The following ZNF423 variants were observed in gnomAD, a reference collection of about 807,000 sequenced individuals.
ZNF423 encodes Ebf-associated zinc finger protein.
ZNF423 carries 12 observed loss-of-function variants against 95.8 expected under a neutral mutation model. The observed-to-expected ratio is 0.13, with a 90% CI of 0.08 to 0.20. The LOEUF (loss-of-function observed/expected upper bound fraction) is 0.20. Among genes scored for constraint, ZNF423 ranks in the 10% least tolerant of loss-of-function variants. ZNF423 has a pLI of 1.00. For missense variants in ZNF423, 1,316 were observed against 1,737.1 expected, an observed-to-expected ratio of 0.76 and a Z score of 4.31; for synonymous variants, 749 against 711.9, an observed-to-expected ratio of 1.05 and a Z score of -0.83.
In ZNF423 at chr16:49,637,977, C is replaced by T. The variant is rs574135774; in HGVS notation, c.1199G>A (p.Arg400Gln). 6.8e-6 allele frequency: 11 copies of T among 1,614,112 alleles called. No individual in the cohort carries two copies. Among genetic ancestry groups the T allele is most frequent in the East Asian group, 4.5e-5 (2 of 44,880 alleles). Residue 400 changes from arginine (R) to glutamine (Q), a missense_variant, in exon 4 of 8, where the codon CGG becomes CAG. By Grantham distance (43) the Arg-to-Gln change is conservative (BLOSUM62 1). Coordinates refer to ENST00000563137, the MANE Select transcript of ZNF423 (RefSeq NM_001379286.1). This position sits in a 1 kb window ranked among gnomAD's most constrained non-coding sequence, Gnocchi z 5.6. ...GTCATCCCGCATCTTCTTCTGCCCC[C>T]GCAGCGGCTTCAAGGTGGAGTCCGG... is the stretch of plus-strand genomic sequence containing the variant. ...STPDSTLKPL[R>Q]GQKKMRDDGQ...
intron 1 of ZNF423, among the ~76,000 whole-genome samples, chr16:49,818,505 T>C (rs2034890661): frequency 6.6e-6 from 1 of 151,534 alleles, no homozygotes; most frequent in African/African-American, 2.4e-5. Context: ...AGCCCAGGAG[T>C]TCAAGTCTAT....
intron 2 of ZNF423, among the ~76,000 whole-genome samples, chr16:49,732,819 A>G (rs1246054052): frequency 6.6e-6 from 1 of 152,244 alleles, no homozygotes; most frequent in Non-Finnish European, 1.5e-5. Context: ...ACCTGGGAAC[A>G]CAAATCGGCT....
intron 5 of ZNF423, among the ~76,000 whole-genome samples, chr16:49,611,969 C>T (rs1415119270): frequency 6.6e-6 from 1 of 152,124 alleles, no homozygotes; most frequent in South Asian, 2.1e-4. Context: ...TAGTCCTATT[C>T]TATTAAGGAA....
intron 4 of ZNF423, among the ~76,000 whole-genome samples, chr16:49,628,111 C>G (rs1275589068): frequency 6.6e-6 from 1 of 150,992 alleles, no homozygotes; most frequent in Admixed American, 6.6e-5. Context: ...TCTACCCATC[C>G]ATCCATCTAC....
chr16:49,645,545 T>G (rs1441551239), intron 3 of ZNF423, among the ~76,000 whole-genome samples: 1 of 152,194 alleles, frequency 6.6e-6, no homozygotes, highest in African/African-American at 2.4e-5. Context: ...CAATGCTAGA[T>G]GCTTTTCAGG....
At chr16:49,648,380 G>A (rs1050401916) in intron 3 of ZNF423, among the ~76,000 whole-genome samples, 17 of 152,220 alleles carry the variant, frequency 1.1e-4, no homozygotes, top group Non-Finnish European at 2.1e-4. Flanking sequence ...CAGTGCTCAC[G>A]CCTGTAATCC....
At chr16:49,779,117 CTT>C (rs1381256416) in intron 2 of ZNF423, among the ~76,000 whole-genome samples, 3 of 152,114 alleles carry the variant, frequency 2.0e-5, no homozygotes, top group Non-Finnish European at 4.4e-5. Context: ...GATTCTGCAT[CTT>C]GGCAGACATT....
chr16:49,824,301 C>A (rs1247866634), intron 1 of ZNF423, among the ~76,000 whole-genome samples: 1 of 152,004 alleles, frequency 6.6e-6, no homozygotes, highest in Admixed American at 6.6e-5. Flanking sequence ...AGATTAGAGC[C>A]CCCCTGTCAC....
chr16:49,633,888 T>A (rs187427927), intron 4 of ZNF423, among the ~76,000 whole-genome samples: 1 of 152,096 alleles, frequency 6.6e-6, no homozygotes, highest in East Asian at 1.9e-4. Context: ...TGCAGCTCTG[T>A]TTCTTTTTCT....
chr16:49,794,936 A>G (rs1277550043), intron 1 of ZNF423, among the ~76,000 whole-genome samples: 3 of 152,284 alleles, frequency 2.0e-5, no homozygotes, highest in Middle Eastern at 3.4e-3. Flanking sequence ...GGGGTACAAT[A>G]GTGTGATCTC....
At chr16:49,857,978 T>C (rs1257464143), upstream of ZNF423, 1 of 151,942 alleles carries the variant, frequency 6.6e-6, no homozygotes, top group Non-Finnish European at 1.5e-5. This position sits in a 1 kb window ranked among gnomAD's most constrained non-coding sequence, Gnocchi z 6.2. Flanking sequence ...CCCAACTAGC[T>C]GCAGGCGGCC....
intron 3 of ZNF423, among the ~76,000 whole-genome samples, chr16:49,723,768 C>T (rs2032932278): frequency 6.6e-6 from 1 of 152,104 alleles, no homozygotes; most frequent in Admixed American, 6.5e-5. Flanking sequence ...ATCCAATTTC[C>T]TTTTTGGGGG....
intron 3 of ZNF423, among the ~76,000 whole-genome samples, chr16:49,645,512 G>A (rs1033812020): frequency 3.3e-5 from 5 of 152,222 alleles, no homozygotes; most frequent in African/African-American, 1.2e-4. Context: ...TGAGCAAACT[G>A]GAAAGAGGAG....
chr16:49,677,334 AGGGGAGGGG>A (rs2031144426), intron 3 of ZNF423, among the ~76,000 whole-genome samples: 2 of 37,504 alleles, frequency 5.3e-5, no homozygotes, highest in African/African-American at 1.2e-4. Flanking sequence ...AGGGGAGGGG[AGGGGAGGGG>A]AGGAGGGGAG....
intron 3 of ZNF423, among the ~76,000 whole-genome samples, chr16:49,699,955 C>G (rs1434883455): frequency 6.6e-6 from 1 of 152,078 alleles, no homozygotes; most frequent in African/African-American, 2.4e-5. Flanking sequence ...GGGCCCCAGG[C>G]CAGGATATCA....
chr16:49,815,909 T>TAAAG (rs2034844854), intron 1 of ZNF423, among the ~76,000 whole-genome samples: 1 of 42,234 alleles, frequency 2.4e-5, no homozygotes, highest in Non-Finnish European at 4.3e-5. Context: ...TATATATATA[T>TAAAG]ATATATTTTT....
In ZNF423 at chr16:49,665,192, T is replaced by C. The variant is rs565236435; in HGVS notation, c.302-26318A>G. On this transcript the variant is annotated intron_variant, in intron 3 of 7. Coordinates refer to ENST00000563137, the MANE Select transcript of ZNF423 (RefSeq NM_001379286.1). ...ACACCAGGGTTCTGCCATCAAGAGC[T>C]TGGTGGGTAGCGGCATTCAGTAAAT... 2.8e-3 allele frequency among the ~76,000 whole-genome samples: 430 copies of C among 152,336 alleles called. 5 individuals carry two copies. Among genetic ancestry groups the C allele is most frequent in the Non-Finnish European group, 2.9e-3 (199 of 68,030 alleles).
chr16:49,514,555 C>G (rs78147354), intron 7 of ZNF423, among the ~76,000 whole-genome samples: 2,849 of 152,310 alleles, frequency 0.019, 82 homozygotes, highest in African/African-American at 0.065. Flanking sequence ...AGCTCTCCCT[C>G]TGGCCGGGTA....
chr16:49,769,778 C>T (rs2033999340), intron 2 of ZNF423, among the ~76,000 whole-genome samples: 1 of 146,638 alleles, frequency 6.8e-6, no homozygotes, highest in Non-Finnish European at 1.5e-5. Flanking sequence ...ACACCCCCGT[C>T]TCCCTCCCTC....
Sources: gnomAD v4.1 joint callset for allele counts (sites outside exome capture counted in the v4.1 genomes callset) on GRCh38, gnomAD v4.1.1 for gene constraint, Gnocchi (gnomAD v3.1) non-coding constraint, MANE v1.5 for transcripts, NCBI Gene and HGNC (gene_info 2026-07-23, HGNC 2026-07-21) for gene names.